Variants in ZNF609 observed in about 807,000 individuals in gnomAD.
ZNF609 encodes zinc finger protein 609.
In ZNF609, 11 loss-of-function variants were observed where a neutral mutation model predicts 109.5. That is an observed-to-expected ratio of 0.10 (90% CI 0.06 to 0.17). The LOEUF (loss-of-function observed/expected upper bound fraction) is 0.17, where lower values mean the gene tolerates loss of function less well. ZNF609 is among the 10% of genes least tolerant of loss of function. The probability of loss-of-function intolerance (pLI) is 1.00; values close to 1 mark genes in which losing one functional copy is unlikely to be tolerated. For synonymous variants in ZNF609, 646 were observed against 662.0 expected (o/e 0.98, Z 0.37); for missense variants, 1,559 against 1,772.4 (o/e 0.88, Z 2.16).
chr15:64,589,515 T>C (rs75565644), intron 2 of ZNF609, among the ~76,000 whole-genome samples: 1,978 of 152,290 alleles, frequency 0.013, 30 homozygotes, highest in African/African-American at 0.046. Flanking sequence ...AACAAGAAAA[T>C]TGTGGCTTAA....
chr15:64,551,874 C>A (rs1764388343), intron 2 of ZNF609, among the ~76,000 whole-genome samples: 1 of 148,446 alleles, frequency 6.7e-6, no homozygotes, highest in South Asian at 2.2e-4. Flanking sequence ...GTATTTCCAG[C>A]TACTCAGGAG....
intron 3 of ZNF609, among the ~76,000 whole-genome samples, chr15:64,635,373 T>G (rs1896158117): frequency 6.6e-6 from 1 of 152,214 alleles, no homozygotes; most frequent in Non-Finnish European, 1.5e-5. Flanking sequence ...TAACTTAGCT[T>G]TGAAGTGTGA....
At chr15:64,643,219 G>C (rs1595750204) in intron 3 of ZNF609, among the ~76,000 whole-genome samples, 1 of 152,134 alleles carries the variant, frequency 6.6e-6, no homozygotes, top group Non-Finnish European at 1.5e-5. Flanking sequence ...CTCTCCCTCA[G>C]CTCTCAGTCC....
intron 1 of ZNF609, among the ~76,000 whole-genome samples, chr15:64,488,405 T>A (rs1189212301): frequency 6.6e-6 from 1 of 152,196 alleles, no homozygotes; most frequent in Non-Finnish European, 1.5e-5. Context: ...AACCAAACAC[T>A]GGTTCTTCAA....
chr15:64,669,916 C>T (rs991165773), intron 3 of ZNF609, among the ~76,000 whole-genome samples: 1 of 152,130 alleles, frequency 6.6e-6, no homozygotes, highest in Admixed American at 6.6e-5. Flanking sequence ...GATCTGCCTG[C>T]CTTAGCCTCC....
chr15:64,607,502 CTTTT>C (rs200902765), intron 2 of ZNF609, among the ~76,000 whole-genome samples: 5 of 131,974 alleles, frequency 3.8e-5, no homozygotes, highest in Admixed American at 7.7e-5. Flanking sequence ...TTAAGGCATA[CTTTT>C]TTTTTTTTTT....
chr15:64,612,908 A>G (rs1344857568), intron 2 of ZNF609, among the ~76,000 whole-genome samples: 1 of 152,102 alleles, frequency 6.6e-6, no homozygotes, highest in Non-Finnish European at 1.5e-5. Flanking sequence ...CCAGCTACCC[A>G]GGAGGCTGAG....
intron 3 of ZNF609, among the ~76,000 whole-genome samples, chr15:64,625,429 A>G (rs2140975060): frequency 6.6e-6 from 1 of 152,214 alleles, no homozygotes; most frequent in South Asian, 2.1e-4. Context: ...CTGAGGCAGG[A>G]TAATCACTTG....
chr15:64,482,043 A>G (rs1024128005), intron 1 of ZNF609, among the ~76,000 whole-genome samples: 2 of 152,182 alleles, frequency 1.3e-5, no homozygotes, highest in African/African-American at 2.4e-5. Context: ...TTGGCCTCCC[A>G]AGGCTGGGAT....
At chr15:64,490,789 G>A (rs1426003219) in intron 1 of ZNF609, among the ~76,000 whole-genome samples, 4 of 152,192 alleles carry the variant, frequency 2.6e-5, no homozygotes, top group Admixed American at 1.3e-4. Context: ...CAAACAACAA[G>A]GATCTGAACT....
chr15:64,602,720 T>C (rs1010336985), intron 2 of ZNF609, among the ~76,000 whole-genome samples: 4 of 112,332 alleles, frequency 3.6e-5, no homozygotes, highest in African/African-American at 1.3e-4. Flanking sequence ...TTCTTTCTTT[T>C]TTTTTTTTTT....
At chr15:64,600,219 G>A (rs1303590213) in intron 2 of ZNF609, among the ~76,000 whole-genome samples, 1 of 152,068 alleles carries the variant, frequency 6.6e-6, no homozygotes, top group Non-Finnish European at 1.5e-5. Flanking sequence ...GGGAGGCCAA[G>A]GCTGGCGGAT....
In ZNF609 at chr15:64,529,387, C is replaced by T. The variant is rs546581837; in HGVS notation, c.747+29221C>T. 1.6e-4 allele frequency: 120 copies of T among 744,410 alleles called. 1 individual carries two copies. Among genetic ancestry groups the T allele is most frequent in the Middle Eastern group, 1.4e-3 (4 of 2,960 alleles). 46.1% of individuals were successfully genotyped at this position (744,410 alleles called of 1,614,324 possible). A position where few individuals can be genotyped will look rare whatever the true frequency, so the allele number is the denominator to read the frequency against. ...GTGAAGACACCAGTGAACTCTACGACGTACTCAGCGCCAGCATCACCCCAT... is the reference window on the plus strand; with the variant it reads ...GTGAAGACACCAGTGAACTCTACGATGTACTCAGCGCCAGCATCACCCCAT... On this transcript the variant is annotated intron_variant, in intron 2 of 9. Coordinates refer to ENST00000326648, the MANE Select transcript of ZNF609 (RefSeq NM_015042.2).
chr15:64,609,141 T>C (rs1313867774), intron 2 of ZNF609, among the ~76,000 whole-genome samples: 5 of 148,934 alleles, frequency 3.4e-5, no homozygotes, highest in African/African-American at 1.2e-4. Context: ...TTTTTCTTTC[T>C]TTTTTTTCTC....
chr15:64,466,116 CAAA>C (rs749648623), intron 1 of ZNF609, among the ~76,000 whole-genome samples: 2 of 81,882 alleles, frequency 2.4e-5, no homozygotes, highest in Non-Finnish European at 4.4e-5. Flanking sequence ...AACCCTGTCT[CAAA>C]AAAAAAAAAA....
intron 2 of ZNF609, among the ~76,000 whole-genome samples, chr15:64,609,791 G>A (rs1895688207): frequency 6.6e-6 from 1 of 150,750 alleles, no homozygotes; most frequent in Admixed American, 6.6e-5. Flanking sequence ...ACTTTGGGAG[G>A]CCAAGGCGGG....
chr15:64,598,551 C>CAATAT (rs1013089635), intron 2 of ZNF609, among the ~76,000 whole-genome samples: 2 of 151,274 alleles, frequency 1.3e-5, no homozygotes, highest in Non-Finnish European at 2.9e-5. Context: ...ATTAATGGGC[C>CAATAT]AATATAGTAC....
At chr15:64,556,094 A>G (rs1894581710) in intron 2 of ZNF609, among the ~76,000 whole-genome samples, 1 of 151,248 alleles carries the variant, frequency 6.6e-6, no homozygotes. Context: ...AGGCTCAAGT[A>G]ATCCTCCTTT....
chr15:64,563,266 A>T (rs978391940), intron 2 of ZNF609, among the ~76,000 whole-genome samples: 2 of 152,006 alleles, frequency 1.3e-5, no homozygotes, highest in South Asian at 2.1e-4. Context: ...CCTGGGGAAC[A>T]TGGTAAAATC....
Sources: gnomAD v4.1 joint callset for allele counts (sites outside exome capture counted in the v4.1 genomes callset) on GRCh38, gnomAD v4.1.1 for gene constraint, MANE v1.5 for transcripts, NCBI Gene and HGNC (gene_info 2026-07-23, HGNC 2026-07-21) for gene names.